The following PCDHA2 variants were observed in gnomAD, a reference collection of about 807,000 sequenced individuals.
PCDHA2 encodes the protein protocadherin alpha 2, also known as protocadherin alpha-2.
A neutral mutation model predicts 66.0 loss-of-function variants in PCDHA2; 58 were observed. That is an observed-to-expected ratio of 0.88 (90% CI 0.71 to 1.09). The LOEUF (loss-of-function observed/expected upper bound fraction) is 1.09. Among genes scored for constraint, PCDHA2 ranks in the 50% least tolerant of loss-of-function variants. PCDHA2 has a pLI of 0.00. For synonymous variants in PCDHA2, 634 were observed against 554.0 expected, an observed-to-expected ratio of 1.14 and a Z score of -2.03; for missense variants, 1,267 against 1,242.3, an observed-to-expected ratio of 1.02 and a Z score of -0.30.
chr5:140,825,728 AT>A (rs1436730306), intron 1 of PCDHA2: 1 of 152,384 alleles, frequency 6.6e-6, no homozygotes, highest in Non-Finnish European at 1.5e-5. Context: ...GGCCTAAATT[AT>A]TATATTGATG....
rs2150360936 is a variant in PCDHA2 at position 140,843,478 on chromosome 5, T to A, written c.2388+46126T>A. On this transcript the variant is annotated intron_variant, in intron 1 of 3. Coordinates refer to ENST00000526136, the MANE Select transcript of PCDHA2 (RefSeq NM_018905.3). ...TGGTGCTCACGCTGCTGCTGTACAC[T>A]GCGCTGCGGTGCTCAGCACTGCCCA... 2.1e-5 allele frequency: 33 copies of A among 1,595,746 alleles called. 1 individual carries two copies. Among genetic ancestry groups the A allele is most frequent in the Non-Finnish European group, 2.8e-5 (33 of 1,165,552 alleles).
intron 1 of PCDHA2, chr5:140,813,542 A>AG (rs1554126221): frequency 6.6e-6 from 1 of 152,234 alleles, no homozygotes. Flanking sequence ...ACACCTGAAT[A>AG]GGGTACTTAC....
intron 1 of PCDHA2, chr5:140,824,018 C>T (rs2150131575): frequency 6.2e-7 from 1 of 1,613,994 alleles, no homozygotes; most frequent in African/African-American, 1.3e-5. Context: ...GGGAGCTGGT[C>T]GTACTCGCAG....
intron 1 of PCDHA2, among the ~76,000 whole-genome samples, chr5:140,939,327 C>T (rs2092367339): frequency 6.6e-6 from 1 of 152,146 alleles, no homozygotes; most frequent in South Asian, 2.1e-4. Flanking sequence ...ATATCATAAT[C>T]TTAGGGGTTA....
chr5:140,914,944 C>CT (rs35695909), intron 1 of PCDHA2, among the ~76,000 whole-genome samples: 3,966 of 128,238 alleles, frequency 0.031, 97 homozygotes, highest in Middle Eastern at 0.041. Context: ...GAAAAGTTGT[C>CT]TTTTTTTTTT....
intron 1 of PCDHA2, among the ~76,000 whole-genome samples, chr5:140,909,888 C>A (rs1391505487): frequency 6.6e-6 from 1 of 152,172 alleles, no homozygotes; most frequent in Admixed American, 6.5e-5. Flanking sequence ...AGACACTGTT[C>A]AGTAGTCCCT....
chr5:140,807,017 G>T, intron 1 of PCDHA2: 1 of 805,674 alleles, frequency 1.2e-6, no homozygotes, highest in Non-Finnish European at 1.9e-6. Flanking sequence ...CAAAATACAT[G>T]AGAGAAGGAG....
chr5:140,878,016 G>A, intron 1 of PCDHA2: 2 of 818,388 alleles, frequency 2.4e-6, no homozygotes, highest in Admixed American at 3.6e-5. Context: ...CATTAATGAA[G>A]GAAATATGTA....
In PCDHA2 at chr5:140,828,247, G is replaced by T. The variant is rs2150153072; in HGVS notation, c.2388+30895G>T. 9 of 1,613,862 alleles carry T rather than the reference G, an allele frequency of 5.6e-6. No individual in the cohort carries two copies. The South Asian group carries it at 9.9e-5, about 18-fold the overall frequency. ...TCGTGGGCCGGATCGCGCAGGACCTGGGGCTGGAGCTGGCGGAGCTGGTGC... is the reference window on the plus strand; with the variant it reads ...TCGTGGGCCGGATCGCGCAGGACCTTGGGCTGGAGCTGGCGGAGCTGGTGC... On this transcript the variant is annotated intron_variant, in intron 1 of 3. Coordinates refer to ENST00000526136, the MANE Select transcript of PCDHA2 (RefSeq NM_018905.3).
chr5:140,837,733 GT>G (rs1775232652), intron 1 of PCDHA2, among the ~76,000 whole-genome samples: 1 of 151,046 alleles, frequency 6.6e-6, no homozygotes, highest in Non-Finnish European at 1.5e-5. Context: ...CTGAAATGCA[GT>G]GGTGGGATTA....
chr5:140,849,672 G>C (rs2150444436), intron 1 of PCDHA2: 3 of 1,598,534 alleles, frequency 1.9e-6, no homozygotes, highest in Middle Eastern at 1.7e-4. Flanking sequence ...GACGCCCCAC[G>C]TCCCCTTCAA....
In PCDHA2 at chr5:141,009,914, A is replaced by T; in HGVS notation, c.2824A>T (p.Thr942Ser). The change falls in exon 4 of 4, where the codon ACG (threonine) becomes TCG (serine). Residue 942 changes from threonine (T) to serine (S), a missense_variant. Thr to Ser is a moderately conservative substitution (Grantham distance 58). Coordinates refer to ENST00000526136, the MANE Select transcript of PCDHA2 (RefSeq NM_018905.3). ...GGAGAAAAAAGAGAAAGGGAACAGCACGACTGACAACAGTGACCAGTGAGG... is the reference window on the plus strand; with the variant it reads ...GGAGAAAAAAGAGAAAGGGAACAGCTCGACTGACAACAGTGACCAGTGAGG... ...TQEKKEKGNSTTDNSDQ is the reference protein window; with the variant it reads ...TQEKKEKGNSSTDNSDQ The T allele has an allele frequency of 6.2e-7, 1 of 1,611,466 alleles. No homozygotes were observed. The highest frequency in any genetic ancestry group is 8.5e-7 in the Non-Finnish European group (1 of 1,179,328).
chr5:140,842,870 G>A, intron 1 of PCDHA2: 1 of 1,594,050 alleles, frequency 6.3e-7, no homozygotes, highest in Non-Finnish European at 8.6e-7. Flanking sequence ...GAGCGGCAAG[G>A]TGTACGCGCT....
chr5:140,845,159 A>G (rs1332368561), intron 1 of PCDHA2, among the ~76,000 whole-genome samples: 4 of 149,530 alleles, frequency 2.7e-5, no homozygotes, highest in Non-Finnish European at 1.5e-5. Context: ...TGTAAAAGCG[A>G]ATTGTTTTCA....
intron 1 of PCDHA2, among the ~76,000 whole-genome samples, chr5:140,895,167 T>G (rs1289758040): frequency 6.6e-6 from 1 of 152,186 alleles, no homozygotes; most frequent in African/African-American, 2.4e-5. Flanking sequence ...CAATCCAATC[T>G]ATTTGTAGTC....
intron 1 of PCDHA2, among the ~76,000 whole-genome samples, chr5:140,964,480 C>T (rs2095835890): frequency 6.6e-6 from 1 of 152,122 alleles, no homozygotes; most frequent in Non-Finnish European, 1.5e-5. Flanking sequence ...GATTTTTTCA[C>T]AGTCACAGGT....
At chr5:140,850,674 C>T in intron 1 of PCDHA2, 1 of 1,598,338 alleles carries the variant, frequency 6.3e-7, no homozygotes, top group Non-Finnish European at 8.6e-7. Context: ...CTCGGCGATG[C>T]CCACCGAGGG....
At chr5:140,921,435 A>C (rs997660613) in intron 1 of PCDHA2, among the ~76,000 whole-genome samples, 4 of 152,120 alleles carry the variant, frequency 2.6e-5, no homozygotes, top group African/African-American at 4.8e-5. Flanking sequence ...ATTTTCTTCA[A>C]TGGTGTCTGA....
At chr5:140,957,255 T>C (rs577479092) in intron 1 of PCDHA2, among the ~76,000 whole-genome samples, 88 of 152,306 alleles carry the variant, frequency 5.8e-4, no homozygotes, top group Non-Finnish European at 1.0e-3. Flanking sequence ...AAAATTTAAA[T>C]ATGTAAGCAC....
Sources: gnomAD v4.1 joint callset for allele counts (sites outside exome capture counted in the v4.1 genomes callset) on GRCh38, gnomAD v4.1.1 for gene constraint, MANE v1.5 for transcripts, NCBI Gene and HGNC (gene_info 2026-07-23, HGNC 2026-07-21) for gene names.